PXDNL: variants seen among roughly 807,000 people sequenced by gnomAD.
PXDNL encodes peroxidasin like.
In PXDNL, 145 loss-of-function variants were observed where a neutral mutation model predicts 150.8. The observed-to-expected ratio is 0.96, with a 90% CI of 0.84 to 1.10. The LOEUF is 1.10. Ranked by LOEUF, PXDNL falls within the 50% of genes least tolerant of loss-of-function variation. PXDNL has a pLI of 0.00. For missense variants in PXDNL, 2,087 were observed against 1,873.9 expected, an observed-to-expected ratio of 1.11 and a Z score of -2.10; for synonymous variants, 757 against 725.7, an observed-to-expected ratio of 1.04 and a Z score of -0.69.
chr8:51,765,618 T>C (rs2037220019), intron 1 of PXDNL, among the ~76,000 whole-genome samples: 2 of 152,218 alleles, frequency 1.3e-5, no homozygotes. Flanking sequence ...AATTAAATGT[T>C]TAATCCATTT....
At chr8:51,386,485 A>G (rs62506862) in intron 17 of PXDNL, among the ~76,000 whole-genome samples, 90,317 of 151,966 alleles carry the variant, frequency 0.59, 29,516 homozygotes, top group Non-Finnish European at 0.72. Flanking sequence ...AGAGATAAAG[A>G]TAGATACAGA....
At chr8:51,753,064 T>G (rs902972126) in intron 1 of PXDNL, among the ~76,000 whole-genome samples, 6 of 152,196 alleles carry the variant, frequency 3.9e-5, no homozygotes, top group Non-Finnish European at 8.8e-5. Context: ...TATTTGGCCA[T>G]TTACAATGGA....
intron 4 of PXDNL, among the ~76,000 whole-genome samples, chr8:51,553,199 C>T (rs1169439262): frequency 1.3e-5 from 2 of 152,202 alleles, no homozygotes; most frequent in Non-Finnish European, 2.9e-5. Context: ...TATGGCTCAG[C>T]ACACCCAAAG....
At chr8:51,627,848 T>C (rs940916237) in intron 2 of PXDNL, among the ~76,000 whole-genome samples, 2 of 152,158 alleles carry the variant, frequency 1.3e-5, no homozygotes, top group Non-Finnish European at 2.9e-5. Flanking sequence ...TCTCAGAGAA[T>C]TCTCAAAGTA....
chr8:51,614,571 G>A (rs1339678304), intron 2 of PXDNL, among the ~76,000 whole-genome samples: 1 of 152,122 alleles, frequency 6.6e-6, no homozygotes, highest in Non-Finnish European at 1.5e-5. Flanking sequence ...TTCACGAATT[G>A]TTACTTCCTC....
rs967653163 is a variant in PXDNL, at chr8:51,453,795, A to G, written c.983-10T>C. On this transcript the variant is annotated splice_polypyrimidine_tract_variant and intron_variant, in intron 9 of 22. Transcript: ENST00000356297. ...ACAAAGCTTGGTTTGGCTGATGGTA[A>G]AGGGGGAACAAAACGAAATCCAGCA... 1 of 1,610,888 alleles carries G rather than the reference A, an allele frequency of 6.2e-7. No homozygotes were observed. The highest frequency in any genetic ancestry group is 8.5e-7 in the Non-Finnish European group (1 of 1,177,756).
At chr8:51,538,849 C>T (rs1038447870) in intron 4 of PXDNL, among the ~76,000 whole-genome samples, 1 of 152,098 alleles carries the variant, frequency 6.6e-6, no homozygotes, top group Admixed American at 6.5e-5. Context: ...AACCACTAAA[C>T]AAAAATAAGG....
At chr8:51,493,440 T>G (rs1274997806) in intron 5 of PXDNL, among the ~76,000 whole-genome samples, 1 of 152,114 alleles carries the variant, frequency 6.6e-6, no homozygotes, top group Admixed American at 6.5e-5. Context: ...GGAGAATGAC[T>G]TTTGACGAAT....
chr8:51,543,292 A>T (rs1812262212), intron 4 of PXDNL, among the ~76,000 whole-genome samples: 1 of 152,198 alleles, frequency 6.6e-6, no homozygotes, highest in African/African-American at 2.4e-5. Context: ...ATGATGAGAT[A>T]AAAAGTTTAT....
chr8:51,792,145 T>A (rs944556447), intron 1 of PXDNL, among the ~76,000 whole-genome samples: 1 of 152,094 alleles, frequency 6.6e-6, no homozygotes, highest in African/African-American at 2.4e-5. Flanking sequence ...GGGGCCAAGA[T>A]GGCTGACTAA....
chr8:51,754,410 C>A (rs970741167), intron 1 of PXDNL, among the ~76,000 whole-genome samples: 3 of 152,148 alleles, frequency 2.0e-5, no homozygotes, highest in African/African-American at 7.2e-5. Flanking sequence ...GAGAAGCCTG[C>A]CCAAGGGCAG....
At chr8:51,431,305 C>G (rs1809240588) in intron 12 of PXDNL, among the ~76,000 whole-genome samples, 1 of 152,140 alleles carries the variant, frequency 6.6e-6, no homozygotes, top group Non-Finnish European at 1.5e-5. Flanking sequence ...CATGACCCAG[C>G]CCCATCTCCA....
chr8:51,400,846 T>C (rs954710692), intron 17 of PXDNL, among the ~76,000 whole-genome samples: 1 of 152,314 alleles, frequency 6.6e-6, no homozygotes, highest in Middle Eastern at 3.4e-3. Context: ...CAATAGTTGA[T>C]GAAAAAATAA....
intron 1 of PXDNL, among the ~76,000 whole-genome samples, chr8:51,661,982 A>G (rs1032680144): frequency 6.6e-6 from 1 of 151,978 alleles, no homozygotes; most frequent in African/African-American, 2.4e-5. Context: ...AAGTTCTTCT[A>G]TCTAGCGTCT....
chr8:51,375,016 A>T (rs1326763621), intron 17 of PXDNL, among the ~76,000 whole-genome samples: 1 of 152,068 alleles, frequency 6.6e-6, no homozygotes, highest in Admixed American at 6.6e-5. Flanking sequence ...AAACATATGG[A>T]GTATAACTGT....
intron 4 of PXDNL, among the ~76,000 whole-genome samples, chr8:51,551,111 T>C (rs1227944001): frequency 2.0e-5 from 3 of 148,224 alleles, no homozygotes; most frequent in Non-Finnish European, 4.5e-5. Context: ...CTTACGAATA[T>C]ACCTAACCAA....
intron 2 of PXDNL, among the ~76,000 whole-genome samples, chr8:51,607,925 GGAAA>G (rs201962071): frequency 0.067 from 8,691 of 128,756 alleles, 940 homozygotes; most frequent in African/African-American, 0.16. Flanking sequence ...AAGGAAGGAA[GGAAA>G]GAAAGAAAGA....
At chr8:51,458,602 C>T (rs1190729806) in intron 8 of PXDNL, among the ~76,000 whole-genome samples, 1 of 152,180 alleles carries the variant, frequency 6.6e-6, no homozygotes, top group Non-Finnish European at 1.5e-5. Context: ...ATAAAAACAT[C>T]ATTCCCAGAA....
Position 51,423,735 on chromosome 8 carries a change from G to C in PXDNL, c.1639-4C>G, listed in dbSNP as rs973067946. On this transcript the variant is annotated splice_region_variant and splice_polypyrimidine_tract_variant and intron_variant, in intron 13 of 22. Coordinates refer to ENST00000356297, the MANE Select transcript of PXDNL (RefSeq NM_144651.5). ...TCTCAGTAATCTGCACACCTTCCTA[G>C]GGAGCAAAAAAGAGTTGCCACTGAA... The C allele has an allele frequency of 5.6e-6, 9 of 1,604,610 alleles. No homozygotes were observed. The highest frequency in any genetic ancestry group is 7.6e-6 in the Non-Finnish European group (9 of 1,176,596).
Sources: gnomAD v4.1 joint callset for allele counts (sites outside exome capture counted in the v4.1 genomes callset) on GRCh38, gnomAD v4.1.1 for gene constraint, MANE v1.5 for transcripts, NCBI Gene and HGNC (gene_info 2026-07-23, HGNC 2026-07-21) for gene names.